The following PPP2R5A variants were observed in gnomAD, a reference collection of about 807,000 sequenced individuals.
PPP2R5A encodes protein phosphatase 2 regulatory subunit B'alpha, also known as serine/threonine-protein phosphatase 2A 56 kDa regulatory subunit alpha isoform.
A neutral mutation model predicts 64.2 loss-of-function variants in PPP2R5A; 25 were observed. The ratio of observed to expected loss-of-function variants is 0.39; its 90% CI spans 0.28 to 0.54. The LOEUF is 0.54. Ranked by LOEUF, PPP2R5A falls within the 20% of genes least tolerant of loss-of-function variation. PPP2R5A has a pLI of 0.67. For missense variants in PPP2R5A, 425 were observed against 576.3 expected (o/e 0.74, Z 2.69); for synonymous variants, 198 against 201.2 (o/e 0.98, Z 0.13).
intron 1 of PPP2R5A, among the ~76,000 whole-genome samples, chr1:212,300,339 T>G (rs1413671582): frequency 4.6e-5 from 7 of 152,244 alleles, no homozygotes; most frequent in Admixed American, 6.5e-5. Flanking sequence ...TATAATACAA[T>G]ACTTGCTGTG....
intron 3 of PPP2R5A, chr1:212,334,031 T>A (rs1476413644): frequency 6.5e-6 from 1 of 152,938 alleles, no homozygotes; most frequent in African/African-American, 2.4e-5. Flanking sequence ...TTATGTAATA[T>A]GTGGGCTTTT....
intron 4 of PPP2R5A, 98 bp from the exon 5 acceptor site, chr1:212,345,705 T>A: frequency 7.4e-7 from 1 of 1,344,632 alleles, no homozygotes; most frequent in Non-Finnish European, 1.0e-6. Context: ...CTCTAAAAAA[T>A]TTTTAAAAGA....
intron 1 of PPP2R5A, among the ~76,000 whole-genome samples, chr1:212,292,865 T>A (rs1006681808): frequency 6.6e-6 from 1 of 152,178 alleles, no homozygotes; most frequent in African/African-American, 2.4e-5. Flanking sequence ...CCTCACCCAG[T>A]TTTTTGGTTT....
At chr1:212,305,846 T>C (rs1199661418) in intron 1 of PPP2R5A, among the ~76,000 whole-genome samples, 1 of 152,162 alleles carries the variant, frequency 6.6e-6, no homozygotes, top group African/African-American at 2.4e-5. Context: ...TAATGATATT[T>C]ATATCTAAAT....
intron 4 of PPP2R5A, among the ~76,000 whole-genome samples, chr1:212,345,095 G>A (rs1389168818): frequency 6.6e-6 from 1 of 151,340 alleles, no homozygotes. Context: ...ACCCCAGGAG[G>A]TCGAGGCTGC....
At chr1:212,352,783 C>T (rs748708520) in intron 8 of PPP2R5A, 2 of 518,772 alleles carry the variant, frequency 3.9e-6, no homozygotes, top group Non-Finnish European at 7.7e-6. Context: ...ATCAAATGAT[C>T]ACAAAATTTA....
chr1:212,340,121 C>CT (rs1252951502), intron 3 of PPP2R5A, among the ~76,000 whole-genome samples: 1 of 150,832 alleles, frequency 6.6e-6, no homozygotes, highest in East Asian at 1.9e-4. Context: ...TGGTGAAACT[C>CT]TGTCTCTAAA....
At chr1:212,302,044 C>T in intron 1 of PPP2R5A, 2 of 1,525,132 alleles carry the variant, frequency 1.3e-6, no homozygotes, top group East Asian at 2.5e-5. Flanking sequence ...TTTAGTTTAT[C>T]ACTGATTTAA....
chr1:212,310,308 C>G (rs1444643203), intron 1 of PPP2R5A, among the ~76,000 whole-genome samples: 1 of 150,554 alleles, frequency 6.6e-6, no homozygotes, highest in African/African-American at 2.4e-5. Flanking sequence ...TTTTTTGTCT[C>G]TCCTGAAAAA....
chr1:212,325,430 G>A (rs1659388584), intron 1 of PPP2R5A, among the ~76,000 whole-genome samples: 1 of 152,212 alleles, frequency 6.6e-6, no homozygotes, highest in Admixed American at 6.5e-5. Flanking sequence ...CAGAGAATAA[G>A]AGGGCTGGTT....
intron 1 of PPP2R5A, chr1:212,309,486 G>T (rs387732): frequency 1.3e-6 from 1 of 794,756 alleles, no homozygotes; most frequent in Non-Finnish European, 2.2e-6. Context: ...CTTTAGAAGG[G>T]GCAGGAGCTT....
Position 212,329,208 on chromosome 1 carries a change from G to A in PPP2R5A, c.255G>A (p.Met85Ile). 6.2e-7 allele frequency: 1 copy of A among 1,613,164 alleles called. No homozygotes were observed. Among genetic ancestry groups the A allele is most frequent in the Non-Finnish European group, 8.5e-7 (1 of 1,179,610 alleles). Reference protein sequence around the residue: ...LQQCCILFDFMDSVSDLKSKE... With the variant: ...LQQCCILFDFIDSVSDLKSKE... Reference sequence around the variant, plus strand: ...AGTGTTGTATACTGTTTGATTTCATGGACTCTGTTTCAGACTTGAAGAGCA... The same window carrying A: ...AGTGTTGTATACTGTTTGATTTCATAGACTCTGTTTCAGACTTGAAGAGCA... Residue 85 changes from methionine to isoleucine, a missense_variant, in exon 2 of 13, where the codon ATG becomes ATA. Coordinates refer to ENST00000261461, the MANE Select transcript of PPP2R5A (RefSeq NM_006243.4).
intron 3 of PPP2R5A, among the ~76,000 whole-genome samples, chr1:212,341,389 T>G (rs1230578486): frequency 2.0e-5 from 3 of 152,198 alleles, no homozygotes; most frequent in African/African-American, 7.2e-5. Flanking sequence ...CCCACTGTAG[T>G]TTTATAGAAA....
chr1:212,325,406 A>C (rs140933850), intron 1 of PPP2R5A, among the ~76,000 whole-genome samples: 9 of 152,306 alleles, frequency 5.9e-5, no homozygotes, highest in Non-Finnish European at 1.2e-4. Flanking sequence ...GACTTTGAAC[A>C]AAGACACGGC....
Position 212,356,612 on chromosome 1 carries a change from T to C in PPP2R5A, c.928-14T>C. 1 of 1,606,818 alleles carries C rather than the reference T, an allele frequency of 6.2e-7. No homozygotes were observed. On this transcript the variant is annotated splice_polypyrimidine_tract_variant and intron_variant, in intron 8 of 12. Transcript: ENST00000261461. ...TTGTTATTAAATTCATGCTAAACTTTTTCTTTTTCGCAGGTGATCAGAGGA... is the reference window on the plus strand; with the variant it reads ...TTGTTATTAAATTCATGCTAAACTTCTTCTTTTTCGCAGGTGATCAGAGGA...
chr1:212,320,262 G>T (rs1659245682), intron 1 of PPP2R5A, among the ~76,000 whole-genome samples: 1 of 152,132 alleles, frequency 6.6e-6, no homozygotes. Context: ...AGGGTTGGGG[G>T]TAAGGTCACA....
At position 212,320,688 on chromosome 1, in the gene PPP2R5A, A is replaced by AC. The variant is rs558749232; in HGVS notation, c.182-8440dup. ...GGGCGGCTGGCCGGGCGGGGGGCTGACCCCCCCACCTCCCTCCCGGATGGG... is the reference window on the plus strand; with the variant it reads ...GGGCGGCTGGCCGGGCGGGGGGCTGACCCCCCCCACCTCCCTCCCGGATGGG... On this transcript the variant is annotated intron_variant, in intron 1 of 12. Transcript: ENST00000261461. Among the ~76,000 whole-genome samples, 90 of 93,002 alleles carry AC rather than the reference A, an allele frequency of 9.7e-4. 3 individuals are homozygous for AC. The East Asian group carries it at 0.038, about 39-fold the overall frequency. 61.0% of individuals were successfully genotyped at this position (93,002 alleles called of 152,430 possible).
chr1:212,286,331 G>A, intron 1 of PPP2R5A, 40 bp downstream of exon 1: 6 of 1,426,378 alleles, frequency 4.2e-6, no homozygotes, highest in Non-Finnish European at 5.5e-6. Flanking sequence ...GAGCGCAGGG[G>A]CTGGCAACGC....
At chr1:212,293,512 A>G (rs1658639796) in intron 1 of PPP2R5A, among the ~76,000 whole-genome samples, 1 of 152,210 alleles carries the variant, frequency 6.6e-6, no homozygotes, top group Non-Finnish European at 1.5e-5. Flanking sequence ...GGGATTATGC[A>G]AAATAAACTC....
Sources: allele counts gnomAD v4.1 joint callset (sites outside exome capture counted in the v4.1 genomes callset), GRCh38; gene constraint gnomAD v4.1.1; transcripts MANE v1.5; gene names NCBI Gene and HGNC (gene_info 2026-07-23, HGNC 2026-07-21).